Variants in ARHGAP10 observed in about 807,000 individuals in gnomAD.
ARHGAP10 encodes the protein rho GTPase-activating protein 10.
ARHGAP10 carries 87 observed loss-of-function variants against 108.6 expected under a neutral mutation model. That is an observed-to-expected ratio of 0.80 (90% CI 0.67 to 0.96). ARHGAP10 has a LOEUF of 0.96. Among genes scored for constraint, ARHGAP10 ranks in the 40% least tolerant of loss-of-function variants. The pLI, the probability that ARHGAP10 is intolerant of heterozygous loss-of-function variation, is 0.00. For missense variants in ARHGAP10, 939 were observed against 954.5 expected, an observed-to-expected ratio of 0.98 and a Z score of 0.21; for synonymous variants, 347 against 341.1, an observed-to-expected ratio of 1.02 and a Z score of -0.19.
chr4:147,833,128 TC>T (rs1287604831), intron 3 of ARHGAP10, among the ~76,000 whole-genome samples: 1 of 152,174 alleles, frequency 6.6e-6, no homozygotes, highest in Middle Eastern at 3.2e-3. Context: ...ATGATGCATC[TC>T]CAGTATTTTC....
At position 148,050,434 on chromosome 4, in the gene ARHGAP10, T is replaced by C. The variant is rs563821350; in HGVS notation, c.2027+3383T>C. Among the ~76,000 whole-genome samples the C allele has an allele frequency of 2.8e-5, 4 of 144,716 alleles. No homozygotes were observed. The South Asian group carries it at 6.8e-4, about 25-fold the overall frequency. 94.9% of individuals were successfully genotyped at this position (144,716 alleles called of 152,430 possible). On this transcript the variant is annotated intron_variant, in intron 20 of 22. Coordinates refer to ENST00000336498, the MANE Select transcript of ARHGAP10 (RefSeq NM_024605.4). The stretch of plus-strand genomic sequence containing the variant: ...TGTTGCCCAGGCTGGAGTGCAGTGG[T>C]GCCATCTCAGCTCACTGCAAGCTCC...
intron 10 of ARHGAP10, among the ~76,000 whole-genome samples, chr4:147,891,666 A>G (rs375828968): frequency 1.7e-4 from 26 of 152,202 alleles, no homozygotes; most frequent in Admixed American, 9.8e-4. Flanking sequence ...GCAAATGAAT[A>G]CCTACCATAG....
At chr4:147,992,297 A>G (rs1740306842) in intron 18 of ARHGAP10, among the ~76,000 whole-genome samples, 1 of 152,052 alleles carries the variant, frequency 6.6e-6, no homozygotes, top group Non-Finnish European at 1.5e-5. Flanking sequence ...TCTCGTCTAC[A>G]TCTGGTCAAA....
rs1344164603 is a variant in ARHGAP10 at position 147,754,987 on chromosome 4, C to T, written c.154+22532C>T. On this transcript the variant is annotated intron_variant, in intron 1 of 22. Transcript: ENST00000336498. The stretch of plus-strand genomic sequence containing the variant: ...GTCCCAGCTACTTGAGAGGCTGAGG[C>T]AGGAGAATTGCTTGAACCCAGGAAA... 2.0e-5 allele frequency among the ~76,000 whole-genome samples: 3 copies of T among 151,452 alleles called. No homozygotes were observed. In the East Asian group the frequency reaches 5.8e-4, roughly 29 times the overall value.
chr4:148,063,268 T>C lies in ARHGAP10; in HGVS notation c.2148T>C (p.Pro716=). ...SPGSSPFPFS[P]PATVADKPPE... is the part of the protein sequence containing the mutation. The stretch of plus-strand genomic sequence containing the variant: ...GGTCGTCCCCTTTCCCCTTTTCTCC[T>C]CCTGCTACTGTAGCGGACAAGCCAC... The change falls in exon 21 of 23, where the codon CCT becomes CCC. Residue 716 remains proline, a synonymous_variant. Coordinates refer to ENST00000336498, the MANE Select transcript of ARHGAP10 (RefSeq NM_024605.4). The C allele has an allele frequency of 6.2e-7, 1 of 1,614,172 alleles. No homozygotes were observed. The highest frequency in any genetic ancestry group is 1.1e-5 in the South Asian group (1 of 91,082).
At chr4:147,855,244 G>T (rs534091889) in intron 4 of ARHGAP10, among the ~76,000 whole-genome samples, 16 of 152,294 alleles carry the variant, frequency 1.1e-4, no homozygotes, top group African/African-American at 3.6e-4. Context: ...GTAATGAGTG[G>T]CTAGGACTGC....
chr4:147,753,130 A>G (rs927851222), intron 1 of ARHGAP10, among the ~76,000 whole-genome samples: 12 of 152,196 alleles, frequency 7.9e-5, no homozygotes, highest in African/African-American at 2.7e-4. Flanking sequence ...GCCAGTAAAT[A>G]CTGAATTTAG....
intron 1 of ARHGAP10, among the ~76,000 whole-genome samples, chr4:147,788,858 A>T (rs145347850): frequency 6.6e-6 from 1 of 152,258 alleles, no homozygotes; most frequent in Admixed American, 6.5e-5. Context: ...TTATTAAGCT[A>T]CAAGCTGTAC....
intron 18 of ARHGAP10, among the ~76,000 whole-genome samples, chr4:147,991,405 T>C (rs1427478370): frequency 6.6e-6 from 1 of 152,094 alleles, no homozygotes; most frequent in Non-Finnish European, 1.5e-5. Context: ...CCCGGCTTCC[T>C]CATGTTTTTT....
chr4:148,041,434 C>A (rs1247826002), intron 19 of ARHGAP10, among the ~76,000 whole-genome samples: 1 of 152,178 alleles, frequency 6.6e-6, no homozygotes, highest in Non-Finnish European at 1.5e-5. Context: ...AGCTTTATTC[C>A]TTCCAACAAT....
At chr4:147,839,116 CTATCTA>C (rs1733299925) in intron 3 of ARHGAP10, among the ~76,000 whole-genome samples, 1 of 146,526 alleles carries the variant, frequency 6.8e-6, no homozygotes, top group African/African-American at 2.5e-5. Context: ...ATCTATCTAT[CTATCTA>C]TCTATCTATC....
chr4:148,059,857 G>C (rs1407257922), intron 20 of ARHGAP10, among the ~76,000 whole-genome samples: 1 of 152,150 alleles, frequency 6.6e-6, no homozygotes, highest in Non-Finnish European at 1.5e-5. Context: ...CCAGTTCCCT[G>C]AGTTCCAGTT....
intron 16 of ARHGAP10, among the ~76,000 whole-genome samples, chr4:147,960,530 C>CA (rs975955702): frequency 3.3e-5 from 5 of 151,734 alleles, no homozygotes; most frequent in African/African-American, 9.7e-5. Flanking sequence ...ATTTCATTAC[C>CA]AAAAAAAGGA....
intron 1 of ARHGAP10, among the ~76,000 whole-genome samples, chr4:147,795,735 C>T (rs999060707): frequency 6.7e-6 from 1 of 149,770 alleles, no homozygotes; most frequent in Non-Finnish European, 1.5e-5. Flanking sequence ...CACTCTGTTG[C>T]CCAGGCTGGA....
intron 7 of ARHGAP10, among the ~76,000 whole-genome samples, chr4:147,870,262 C>T (rs1008509412): frequency 1.2e-4 from 18 of 152,080 alleles, no homozygotes; most frequent in South Asian, 6.2e-4. Context: ...GGCGATTCAC[C>T]GTGTTAGTCA....
chr4:147,947,380 A>G (rs1447248158), intron 15 of ARHGAP10, among the ~76,000 whole-genome samples: 6 of 152,044 alleles, frequency 3.9e-5, no homozygotes, highest in Non-Finnish European at 7.4e-5. Flanking sequence ...TAGATTTTCC[A>G]TGGCAAACGA....
chr4:147,824,986 CA>C (rs773246367), intron 3 of ARHGAP10, among the ~76,000 whole-genome samples: 12 of 152,142 alleles, frequency 7.9e-5, no homozygotes, highest in Non-Finnish European at 1.0e-4. Context: ...TGCCCTAGAT[CA>C]CATGGCATCT....
chr4:147,837,795 C>T (rs1733239455), intron 3 of ARHGAP10, among the ~76,000 whole-genome samples: 1 of 151,800 alleles, frequency 6.6e-6, no homozygotes, highest in Non-Finnish European at 1.5e-5. Context: ...GACTTTGTTT[C>T]AGTGGGAAGG....
chr4:147,811,173 T>C (rs2126772226), intron 1 of ARHGAP10, among the ~76,000 whole-genome samples: 1 of 152,376 alleles, frequency 6.6e-6, no homozygotes, highest in Non-Finnish European at 1.5e-5. Context: ...GGCTTCACCA[T>C]GTCCTAGCTG....
Sources: gnomAD v4.1 joint callset for allele counts (sites outside exome capture counted in the v4.1 genomes callset) on GRCh38, gnomAD v4.1.1 for gene constraint, MANE v1.5 for transcripts, NCBI Gene and HGNC (gene_info 2026-07-23, HGNC 2026-07-21) for gene names.